The following OR9Q1 variants were observed in gnomAD, a reference collection of about 807,000 sequenced individuals.
The protein encoded by OR9Q1 is olfactory receptor family 9 subfamily Q member 1, also known as olfactory receptor 9Q1.
For missense variants in OR9Q1, 374 were observed against 378.8 expected, an observed-to-expected ratio of 0.99 and a Z score of 0.11; for synonymous variants, 153 against 148.6, an observed-to-expected ratio of 1.03 and a Z score of -0.22.
intron 2 of OR9Q1, chr11:58,119,424 G>T (rs1854002523): frequency 6.2e-7 from 1 of 1,609,012 alleles, no homozygotes; most frequent in Non-Finnish European, 8.5e-7. Context: ...CGGTTACTCT[G>T]GTGAGATTAT....
chr11:58,160,405 A>C (rs1854445880), intron 2 of OR9Q1, among the ~76,000 whole-genome samples: 1 of 152,050 alleles, frequency 6.6e-6, no homozygotes, highest in African/African-American at 2.4e-5. Context: ...GTCTAAGATG[A>C]TTCCAAGAAT....
chr11:58,031,021 T>A, intron 1 of OR9Q1: 3 of 1,614,190 alleles, frequency 1.9e-6, no homozygotes, highest in Non-Finnish European at 2.5e-6. Context: ...CTGGCATCCA[T>A]GAAGCACACC....
In OR9Q1 at chr11:58,072,246, A is replaced by G. The variant is rs977338085; in HGVS notation, c.-15+16299A>G. On this transcript the variant is annotated intron_variant, in intron 2 of 2. Transcript: ENST00000335397. ...AAAAGAATTGCTCAATTTACTTCGT[A>G]GTGTTTATTTTTTTCATGTAACACA... 2.6e-5 allele frequency: 4 copies of G among 152,348 alleles called. No homozygotes were observed. In the South Asian group the frequency reaches 8.3e-4, roughly 32 times the overall value. 9.4% of individuals were successfully genotyped at this position (152,348 alleles called of 1,614,324 possible). A position where few individuals can be genotyped will look rare whatever the true frequency, so the allele number is the denominator to read the frequency against.
intron 2 of OR9Q1, among the ~76,000 whole-genome samples, chr11:58,103,062 T>C (rs1236022425): frequency 2.6e-5 from 4 of 152,110 alleles, no homozygotes; most frequent in African/African-American, 9.7e-5. Flanking sequence ...CATTCTCACG[T>C]TGCTATAAGG....
At chr11:58,085,344 AT>A (rs1200246293) in intron 2 of OR9Q1, among the ~76,000 whole-genome samples, 1 of 151,882 alleles carries the variant, frequency 6.6e-6, no homozygotes, top group Non-Finnish European at 1.5e-5. Flanking sequence ...CAATCAATGT[AT>A]TAATCATCTC....
rs114139594 is a variant in OR9Q1, at chr11:58,084,557, A to G, written c.-15+28610A>G. Among the ~76,000 whole-genome samples, 1,307 of 151,962 alleles carry G rather than the reference A, an allele frequency of 8.6e-3. 44 individuals are homozygous for G. The highest frequency in any genetic ancestry group is 0.03 in the African/African-American group (1,226 of 41,256). On this transcript the variant is annotated intron_variant, in intron 2 of 2. Transcript: ENST00000335397. ...TAAATCCTCAAGCAAATACTAGCAA[A>G]CTGAATTCAGCAGCACATCAAAAAG...
intron 1 of OR9Q1, among the ~76,000 whole-genome samples, chr11:58,047,828 G>A (rs1430166772): frequency 1.3e-5 from 2 of 152,174 alleles, no homozygotes; most frequent in Non-Finnish European, 2.9e-5. Context: ...AGGTTGCGGT[G>A]AGCCAAGATC....
chr11:58,112,857 C>T (rs1853916145), intron 2 of OR9Q1, among the ~76,000 whole-genome samples: 1 of 152,134 alleles, frequency 6.6e-6, no homozygotes, highest in Non-Finnish European at 1.5e-5. Context: ...ACTCATTGTG[C>T]ACATGGCTGT....
At chr11:58,139,116 A>C (rs1044821186) in intron 2 of OR9Q1, among the ~76,000 whole-genome samples, 1 of 152,164 alleles carries the variant, frequency 6.6e-6, no homozygotes, top group African/African-American at 2.4e-5. Context: ...CAGAAAATGA[A>C]AAGAAAATAG....
At chr11:58,048,677 A>ATATAT (rs796426109) in intron 1 of OR9Q1, among the ~76,000 whole-genome samples, 215 of 109,808 alleles carry the variant, frequency 2.0e-3, no homozygotes, top group South Asian at 8.4e-3. Context: ...CTTAAAAAAA[A>ATATAT]AAATATATAT....
At chr11:58,147,644 G>A (rs1854311283) in intron 2 of OR9Q1, among the ~76,000 whole-genome samples, 1 of 152,082 alleles carries the variant, frequency 6.6e-6, no homozygotes. Context: ...ATTGCCTTAT[G>A]TATGCACCAA....
chr11:58,159,421 C>G (rs1854437508), intron 2 of OR9Q1, among the ~76,000 whole-genome samples: 1 of 151,824 alleles, frequency 6.6e-6, no homozygotes, highest in Non-Finnish European at 1.5e-5. Flanking sequence ...GATACAGAAG[C>G]CACCTAGCAT....
intron 2 of OR9Q1, among the ~76,000 whole-genome samples, chr11:58,116,207 C>T (rs960785333): frequency 1.4e-4 from 21 of 152,118 alleles, no homozygotes; most frequent in Admixed American, 4.6e-4. Context: ...TTATGGTCCA[C>T]AATAGCTGCC....
intron 2 of OR9Q1, among the ~76,000 whole-genome samples, chr11:58,152,686 G>A (rs780495940): frequency 6.6e-6 from 1 of 151,894 alleles, no homozygotes; most frequent in African/African-American, 2.4e-5. Context: ...ATGCTTTTAG[G>A]CTCCAAAAAT....
intron 2 of OR9Q1, among the ~76,000 whole-genome samples, chr11:58,068,386 C>G (rs188778107): frequency 6.6e-6 from 1 of 151,836 alleles, no homozygotes; most frequent in African/African-American, 2.4e-5. Context: ...CCGGGAAACC[C>G]AATGCCATGG....
intron 2 of OR9Q1, among the ~76,000 whole-genome samples, chr11:58,068,891 C>G (rs747966507): frequency 2.0e-5 from 3 of 152,072 alleles, no homozygotes; most frequent in Non-Finnish European, 4.4e-5. Context: ...AAAAGTGCAG[C>G]GCTGGAGATT....
At chr11:58,037,853 G>A (rs1286581999) in intron 1 of OR9Q1, among the ~76,000 whole-genome samples, 1 of 144,770 alleles carries the variant, frequency 6.9e-6, no homozygotes, top group Non-Finnish European at 1.5e-5. Flanking sequence ...CGAGTAGCTG[G>A]GACTACAGGT....
At chr11:58,103,974 G>T (rs1419787177) in intron 2 of OR9Q1, among the ~76,000 whole-genome samples, 1 of 152,158 alleles carries the variant, frequency 6.6e-6, no homozygotes, top group East Asian at 1.9e-4. Context: ...GGCCAAGGGT[G>T]TGCATGGGCA....
chr11:58,118,898 G>A (rs141404154), intron 2 of OR9Q1: 1 of 1,614,054 alleles, frequency 6.2e-7, no homozygotes, highest in Non-Finnish European at 8.5e-7. Flanking sequence ...TTCAGCAGGG[G>A]TGGGAGGTCA....
Sources: allele counts gnomAD v4.1 joint callset (sites outside exome capture counted in the v4.1 genomes callset), GRCh38; gene constraint gnomAD v4.1.1; transcripts MANE v1.5; gene names NCBI Gene and HGNC (gene_info 2026-07-23, HGNC 2026-07-21).